Variants in WASF2 observed in about 807,000 individuals in gnomAD.
The protein encoded by WASF2 is actin-binding protein WASF2.
Under a neutral mutation model 45.0 loss-of-function variants are expected in WASF2, and 14 were observed. The observed-to-expected ratio is 0.31, with a 90% confidence interval of 0.21 to 0.49. The LOEUF (loss-of-function observed/expected upper bound fraction) is 0.49, where lower values mean the gene tolerates loss of function less well. Ranked by LOEUF, WASF2 falls within the 20% of genes least tolerant of loss-of-function variation. The pLI is 0.99. For synonymous variants in WASF2, 200 were observed against 236.3 expected (o/e 0.85, Z 1.41); for missense variants, 439 against 636.1 (o/e 0.69, Z 3.33).
intron 2 of WASF2, among the ~76,000 whole-genome samples, chr1:27,426,513 ATT>A (rs71785131): frequency 1.4e-5 from 2 of 145,298 alleles, no homozygotes. Flanking sequence ...AGTTAACTTA[ATT>A]TTTTTTTTTT....
chr1:27,479,928 T>C (rs767966598), intron 1 of WASF2, among the ~76,000 whole-genome samples: 4 of 152,176 alleles, frequency 2.6e-5, no homozygotes, highest in African/African-American at 9.6e-5. Flanking sequence ...CTGTCTGTAA[T>C]AGTATACAAC....
chr1:27,452,869 A>G (rs2017403382), intron 1 of WASF2, among the ~76,000 whole-genome samples: 1 of 151,288 alleles, frequency 6.6e-6, no homozygotes, highest in Non-Finnish European at 1.5e-5. Flanking sequence ...TGTAAACTCT[A>G]AAGACTCATG....
rs2016854555 is a variant in WASF2, at chr1:27,418,363, T to C, written c.325A>G (p.Lys109Glu). The C allele has an allele frequency of 6.2e-7, 1 of 1,614,202 alleles. No individual in the cohort carries two copies. Among genetic ancestry groups the C allele is most frequent in the East Asian group, 2.2e-5 (1 of 44,880 alleles). ...AFRSSTIQDQ[K>E]LFDRNSLPVP... ...GGGAGAGAGTTTCTGTCAAAAAGCT[T>C]CTGGTCTTGAATGGTGGAACTTCTG... Residue 109 changes from lysine to glutamate, a missense_variant, in exon 4 of 9, where the codon AAG becomes GAG. Coordinates refer to ENST00000618852, the MANE Select transcript of WASF2 (RefSeq NM_006990.5).
Position 27,410,443 on chromosome 1 carries a change from T to A in WASF2, c.825-237A>T, listed in dbSNP as rs2016746692. ...GATAGACAGATTGAGTAAAACTACC[T>A]GCAAGAAGTGGACTTGAGATTCCTC... On this transcript the variant is annotated intron_variant, in intron 7 of 8. Coordinates refer to ENST00000618852, the MANE Select transcript of WASF2 (RefSeq NM_006990.5). This position sits in a 1 kb window ranked among gnomAD's most constrained non-coding sequence, Gnocchi z 4.2. Among the ~76,000 whole-genome samples, 1 of 152,188 alleles carries A rather than the reference T, an allele frequency of 6.6e-6. No individual in the cohort carries two copies. Among genetic ancestry groups the A allele is most frequent in the African/African-American group, 2.4e-5 (1 of 41,442 alleles).
intron 1 of WASF2, among the ~76,000 whole-genome samples, chr1:27,454,182 T>C (rs1285684860): frequency 2.3e-4 from 2 of 8,752 alleles, no homozygotes; most frequent in African/African-American, 7.1e-4. Flanking sequence ...TATATATATA[T>C]ATATATTTTT....
intron 1 of WASF2, among the ~76,000 whole-genome samples, chr1:27,431,414 A>G (rs2017061603): frequency 1.3e-5 from 2 of 152,268 alleles, no homozygotes; most frequent in South Asian, 2.1e-4. Flanking sequence ...AGGAGGTTAC[A>G]TATGAAAGAA....
At chr1:27,463,611 A>C (rs2017576570) in intron 1 of WASF2, among the ~76,000 whole-genome samples, 1 of 134,442 alleles carries the variant, frequency 7.4e-6, no homozygotes, top group African/African-American at 2.9e-5. Context: ...CGACAGAGTG[A>C]GACTCTGTCT....
intron 1 of WASF2, among the ~76,000 whole-genome samples, chr1:27,433,191 G>A (rs1323129734): frequency 2.6e-5 from 4 of 152,162 alleles, no homozygotes; most frequent in African/African-American, 9.7e-5. Flanking sequence ...TTTTCCTGGA[G>A]GCTGCTTCCA....
At chr1:27,477,697 A>G (rs1382221706) in intron 1 of WASF2, among the ~76,000 whole-genome samples, 1 of 106,172 alleles carries the variant, frequency 9.4e-6, no homozygotes, top group African/African-American at 5.3e-5. Flanking sequence ...CAGGAGATCG[A>G]GACCATCCCG....
At chr1:27,476,781 GA>G (rs2017771904) in intron 1 of WASF2, among the ~76,000 whole-genome samples, 1 of 152,064 alleles carries the variant, frequency 6.6e-6, no homozygotes, top group South Asian at 2.1e-4. Flanking sequence ...AAATTATCTA[GA>G]AAAAACAATA....
intron 1 of WASF2, among the ~76,000 whole-genome samples, chr1:27,487,628 CAA>C (rs2017957899): frequency 7.7e-5 from 5 of 65,088 alleles, no homozygotes; most frequent in Admixed American, 2.4e-4. Context: ...ATATTTTATA[CAA>C]TATATAATAT....
intron 1 of WASF2, among the ~76,000 whole-genome samples, chr1:27,488,490 C>A (rs1357043110): frequency 2.0e-5 from 3 of 152,178 alleles, no homozygotes; most frequent in Non-Finnish European, 2.9e-5. Context: ...AATGGGCTGG[C>A]ACCACTCTGA....
chr1:27,416,154 C>G, intron 4 of WASF2, 52 bp from the exon 5 acceptor site: 1 of 1,496,538 alleles, frequency 6.7e-7, no homozygotes, highest in Non-Finnish European at 9.3e-7. Context: ...GAGCTCCCAA[C>G]CAAATCCAAT....
intron 1 of WASF2, among the ~76,000 whole-genome samples, chr1:27,454,187 ATTTTTT>A (rs869057863): frequency 3.3e-3 from 42 of 12,764 alleles, no homozygotes; most frequent in African/African-American, 7.0e-3. Flanking sequence ...ATATATATAT[ATTTTTT>A]TTTTTTTTTT....
At chr1:27,442,511 C>T (rs2017251639) in intron 1 of WASF2, among the ~76,000 whole-genome samples, 1 of 151,668 alleles carries the variant, frequency 6.6e-6, no homozygotes, top group African/African-American at 2.4e-5. Context: ...CCACTGCACT[C>T]CAGCCTAGGA....
intron 1 of WASF2, among the ~76,000 whole-genome samples, chr1:27,472,667 A>G (rs2017705972): frequency 6.8e-6 from 1 of 146,174 alleles, no homozygotes; most frequent in Non-Finnish European, 1.5e-5. Flanking sequence ...AAAAAAAAAA[A>G]AAAAAAAGGG....
At chr1:27,463,814 T>C (rs1289190986) in intron 1 of WASF2, among the ~76,000 whole-genome samples, 1 of 150,110 alleles carries the variant, frequency 6.7e-6, no homozygotes, top group Non-Finnish European at 1.5e-5. Context: ...ATTTTTTTTT[T>C]TTTTTGAGAC....
intron 4 of WASF2, 125 bp from the exon 5 acceptor site, chr1:27,416,227 T>C (rs956057891): frequency 2.7e-5 from 21 of 770,904 alleles, no homozygotes; most frequent in African/African-American, 1.9e-4. Context: ...TTTGAATCGA[T>C]TGCATACCTC....
rs2017253055 is a variant in WASF2 at position 27,442,624 on chromosome 1, T to A, written c.-43-13691A>T. On this transcript the variant is annotated intron_variant, in intron 1 of 8. Transcript: ENST00000618852. The stretch of plus-strand genomic sequence containing the variant: ...CTATAATCACAGCACTCTGGGAGGC[T>A]GAGATGGGCAGACTGCTTGAGCCCA... 2.0e-5 allele frequency among the ~76,000 whole-genome samples: 3 copies of A among 151,612 alleles called. No individual in the cohort carries two copies. The South Asian group carries it at 6.3e-4, about 32-fold the overall frequency.
Sources: allele counts gnomAD v4.1 joint callset (sites outside exome capture counted in the v4.1 genomes callset), GRCh38; gene constraint gnomAD v4.1.1; non-coding constraint Gnocchi (gnomAD v3.1); transcripts MANE v1.5; gene names NCBI Gene and HGNC (gene_info 2026-07-23, HGNC 2026-07-21).